The following ZNF248 variants were observed in gnomAD, a reference collection of about 807,000 sequenced individuals.
ZNF248 encodes KRAB protein domain.
ZNF248 carries 20 observed loss-of-function variants against 44.3 expected under a neutral mutation model. That is an observed-to-expected ratio of 0.45 (90% CI 0.32 to 0.66). ZNF248 has a LOEUF of 0.66. Among genes scored for constraint, ZNF248 ranks in the 30% least tolerant of loss-of-function variants. The pLI, the probability that ZNF248 is intolerant of heterozygous loss-of-function variation, is 0.04. For synonymous variants in ZNF248, 224 were observed against 229.0 expected (o/e 0.98, Z 0.20); for missense variants, 654 against 677.0 (o/e 0.97, Z 0.38).
chr10:37,804,795 G>A (rs1208683), intron 6 of ZNF248, among the ~76,000 whole-genome samples: 31,053 of 152,108 alleles, frequency 0.2, 3,458 homozygotes, highest in Middle Eastern at 0.28. Context: ...AATCATTGAC[G>A]AAGTTTCCAA....
At chr10:37,825,671 G>T (rs1475271444), downstream of ZNF248, among the ~76,000 whole-genome samples, 1 of 151,984 alleles carries the variant, frequency 6.6e-6, no homozygotes. Flanking sequence ...GAACTCCTAG[G>T]CTCAAGCATT....
chr10:37,777,379 C>A (rs1415033885), intron 6 of ZNF248, among the ~76,000 whole-genome samples: 1 of 152,134 alleles, frequency 6.6e-6, no homozygotes. Flanking sequence ...TCAGGACTTG[C>A]ATAAACACCC....
chr10:37,823,333 CAAAAAAAAAAAAAAAAAAA>C (rs60957023), intron 6 of ZNF248, among the ~76,000 whole-genome samples: 15 of 17,530 alleles, frequency 8.6e-4, no homozygotes, highest in Non-Finnish European at 1.3e-3. Flanking sequence ...ACTCCGTCTC[CAAAAAAAAAAAAAAAAAAA>C]AAAAAAAAAA....
At chr10:37,836,517 T>C (rs1257352562) in intron 5 of ZNF248, among the ~76,000 whole-genome samples, 3 of 152,162 alleles carry the variant, frequency 2.0e-5, no homozygotes, top group Non-Finnish European at 4.4e-5. Flanking sequence ...TGGTACCTGA[T>C]GTTCTCTCTG....
downstream of ZNF248, among the ~76,000 whole-genome samples, chr10:37,773,684 G>A (rs140471718): frequency 2.3e-4 from 35 of 152,164 alleles, no homozygotes; most frequent in African/African-American, 6.7e-4. Context: ...CTCTTCACAA[G>A]GTCATCCTCT....
intron 6 of ZNF248, among the ~76,000 whole-genome samples, chr10:37,812,659 A>G (rs1165643458): frequency 6.6e-6 from 1 of 152,114 alleles, no homozygotes; most frequent in Non-Finnish European, 1.5e-5. Context: ...CCGGCCACCC[A>G]GAACCCCAGC....
downstream of ZNF248, chr10:37,776,488 A>G (rs1934325393): frequency 2.5e-6 from 1 of 398,068 alleles, no homozygotes; most frequent in African/African-American, 2.1e-5. Context: ...AGGTTAGAGA[A>G]GCAATCTTCA....
At chr10:37,842,470 C>T (rs2058508841) in intron 3 of ZNF248, among the ~76,000 whole-genome samples, 1 of 152,214 alleles carries the variant, frequency 6.6e-6, no homozygotes, top group Non-Finnish European at 1.5e-5. Context: ...TTTACCCCAA[C>T]CCTCCTTGGC....
chr10:37,767,139 T>C, the ZNF248 span, among the ~76,000 whole-genome samples: 1 of 152,164 alleles, frequency 6.6e-6, no homozygotes, highest in Non-Finnish European at 1.5e-5. Context: ...AGACCAAATC[T>C]ACATCTGATT....
intron 6 of ZNF248, among the ~76,000 whole-genome samples, chr10:37,813,180 C>A (rs184125890): frequency 2.0e-5 from 3 of 152,240 alleles, no homozygotes; most frequent in African/African-American, 4.8e-5. Context: ...AGGCGTAAGA[C>A]GTAGAAGAAC....
downstream of ZNF248, among the ~76,000 whole-genome samples, chr10:37,824,708 G>A (rs1302664665): frequency 6.4e-5 from 1 of 15,634 alleles, no homozygotes; most frequent in Non-Finnish European, 1.1e-4. Context: ...TTGAGACGGA[G>A]TCTCCCTCTG....
At chr10:37,801,322 G>C (rs1467352239) in intron 6 of ZNF248, among the ~76,000 whole-genome samples, 1 of 151,964 alleles carries the variant, frequency 6.6e-6, no homozygotes, top group African/African-American at 2.4e-5. Context: ...GTTGCAGTGA[G>C]CTGAGACTGC....
At chr10:37,804,096 TTTTTC>T (rs1023426229) in intron 6 of ZNF248, among the ~76,000 whole-genome samples, 12 of 46,190 alleles carry the variant, frequency 2.6e-4, no homozygotes, top group Non-Finnish European at 4.6e-4. Context: ...TTCCTTTTTC[TTTTTC>T]TTTTTTTTTT....
chr10:37,775,975 T>C (rs965335456), downstream of ZNF248, among the ~76,000 whole-genome samples: 1 of 152,210 alleles, frequency 6.6e-6, no homozygotes, highest in Non-Finnish European at 1.5e-5. Flanking sequence ...AGGTTACTTA[T>C]ACATCCAAGA....
Position 37,848,355 on chromosome 10 carries a change from G to A in ZNF248, c.15+7941C>T, listed in dbSNP as rs72791728. On this transcript the variant is annotated intron_variant, in intron 3 of 5. Coordinates refer to ENST00000395867, the MANE Select transcript of ZNF248 (RefSeq NM_021045.3). ...TCTGAGCACTTTGAGAGGCTGAGATGGACAGATCGCCTGAGCTCAGGAGTT... is the reference window on the plus strand; with the variant it reads ...TCTGAGCACTTTGAGAGGCTGAGATAGACAGATCGCCTGAGCTCAGGAGTT... 9.9e-3 allele frequency among the ~76,000 whole-genome samples: 1,502 copies of A among 152,226 alleles called. 10 individuals carry two copies. The highest frequency in any genetic ancestry group is 0.015 in the Non-Finnish European group (1,032 of 68,010).
At chr10:37,824,528 G>A (rs554785048), downstream of ZNF248, among the ~76,000 whole-genome samples, 6 of 152,120 alleles carry the variant, frequency 3.9e-5, no homozygotes, top group South Asian at 4.1e-4. Context: ...CACATGGTAC[G>A]TGTAAATGTT....
In ZNF248 at chr10:37,804,101, C is replaced by CTTT. The variant is rs59261731; in HGVS notation, c.331-27529_331-27527dup. The stretch of plus-strand genomic sequence containing the variant: ...CTAAACTTGTTTCCTTTTTCTTTTT[C>CTTT]TTTTTTTTTTTTTTTTTTTGAGACA... On this transcript the variant is annotated intron_variant, in intron 6 of 6. Coordinates refer to the ZNF248 transcript ENST00000615949. 1.2e-3 allele frequency among the ~76,000 whole-genome samples: 151 copies of CTTT among 124,920 alleles called. 2 individuals are homozygous for CTTT. The highest frequency in any genetic ancestry group is 3.7e-3 in the African/African-American group (123 of 33,480). 82.0% of individuals were successfully genotyped at this position (124,920 alleles called of 152,430 possible). A position where few individuals can be genotyped will look rare whatever the true frequency, so the allele number is the denominator to read the frequency against.
chr10:37,789,991 A>C (rs1031091916), intron 6 of ZNF248, among the ~76,000 whole-genome samples: 4 of 151,708 alleles, frequency 2.6e-5, no homozygotes, highest in Non-Finnish European at 5.9e-5. Flanking sequence ...GCCGGGCGCC[A>C]TGGCTCATGC....
chr10:37,811,545 A>G (rs1475317962), intron 6 of ZNF248, among the ~76,000 whole-genome samples: 2 of 151,960 alleles, frequency 1.3e-5, no homozygotes, highest in African/African-American at 4.8e-5. Context: ...TGGCTTTAGA[A>G]ATTTCTAGGC....
Sources: allele counts gnomAD v4.1 joint callset (sites outside exome capture counted in the v4.1 genomes callset), GRCh38; gene constraint gnomAD v4.1.1; transcripts MANE v1.5; gene names NCBI Gene and HGNC (gene_info 2026-07-23, HGNC 2026-07-21).